The following GALNT13 variants were observed in gnomAD, a reference collection of about 807,000 sequenced individuals.
The protein encoded by GALNT13 is UDP-GalNAc:polypeptide N-acetylgalactosaminyltransferase 13.
In GALNT13, 28 loss-of-function variants were observed where a neutral mutation model predicts 64.2. The ratio of observed to expected loss-of-function variants is 0.44; its 90% CI spans 0.32 to 0.60. The LOEUF (loss-of-function observed/expected upper bound fraction) is 0.60, where lower values mean the gene tolerates loss of function less well. Among genes scored for constraint, GALNT13 ranks in the 20% least tolerant of loss-of-function variants. The probability of loss-of-function intolerance (pLI) is 0.05; values close to 1 mark genes in which losing one functional copy is unlikely to be tolerated. For missense variants in GALNT13, 577 were observed against 669.8 expected (o/e 0.86, Z 1.53); for synonymous variants, 214 against 224.6 (o/e 0.95, Z 0.42).
chr2:154,223,740 C>T (rs1257011531), intron 4 of GALNT13, among the ~76,000 whole-genome samples: 1 of 152,010 alleles, frequency 6.6e-6, no homozygotes, highest in East Asian at 1.9e-4. Flanking sequence ...AAGTATTTGT[C>T]ACCTGGGATT....
At chr2:153,540,301 T>G in the GALNT13 span, among the ~76,000 whole-genome samples, 1 of 152,168 alleles carries the variant, frequency 6.6e-6, no homozygotes, top group African/African-American at 2.4e-5. Flanking sequence ...GTCCTGCAGG[T>G]GCATAGAAGA....
intron 11 of GALNT13, among the ~76,000 whole-genome samples, chr2:154,424,562 C>T (rs1383827858): frequency 6.6e-6 from 1 of 152,050 alleles, no homozygotes; most frequent in Non-Finnish European, 1.5e-5. Context: ...CTGCTTTGCC[C>T]ATCAGTCACA....
intron 8 of GALNT13, among the ~76,000 whole-genome samples, chr2:154,273,490 A>G (rs913031094): frequency 2.0e-5 from 3 of 152,210 alleles, no homozygotes; most frequent in African/African-American, 4.8e-5. Context: ...TTTGTTCAGC[A>G]TACAATTAAT....
At chr2:153,551,741 A>C in the GALNT13 span, among the ~76,000 whole-genome samples, 1 of 152,186 alleles carries the variant, frequency 6.6e-6, no homozygotes, top group South Asian at 2.1e-4. Flanking sequence ...AGATCTGTAA[A>C]GTTGTGATGT....
At chr2:154,253,559 T>C (rs556909133) in intron 7 of GALNT13, among the ~76,000 whole-genome samples, 2 of 152,274 alleles carry the variant, frequency 1.3e-5, no homozygotes, top group East Asian at 3.9e-4. Flanking sequence ...GACAGGAAGA[T>C]AGCTGGAGGC....
At chr2:153,584,409 C>T in the GALNT13 span, among the ~76,000 whole-genome samples, 1 of 152,204 alleles carries the variant, frequency 6.6e-6, no homozygotes, top group African/African-American at 2.4e-5. Flanking sequence ...AAGCATCCTA[C>T]AGCTACCTCC....
chr2:153,107,482 T>G, the GALNT13 span, among the ~76,000 whole-genome samples: 44 of 152,278 alleles, frequency 2.9e-4, no homozygotes, highest in African/African-American at 9.1e-4. Flanking sequence ...TCATTTTAAA[T>G]TTGAGATTAT....
chr2:153,390,975 T>C, the GALNT13 span, among the ~76,000 whole-genome samples: 2 of 151,898 alleles, frequency 1.3e-5, no homozygotes, highest in Non-Finnish European at 2.9e-5. Flanking sequence ...AGGGCCAGGA[T>C]TGGGGGCAAT....
the GALNT13 span, among the ~76,000 whole-genome samples, chr2:153,263,127 T>C: frequency 6.6e-6 from 1 of 151,828 alleles, no homozygotes; most frequent in Non-Finnish European, 1.5e-5. Context: ...TGTGCAAAAG[T>C]CACAAGCATT....
chr2:154,142,288 G>A (rs1231241945), intron 4 of GALNT13, among the ~76,000 whole-genome samples: 1 of 151,830 alleles, frequency 6.6e-6, no homozygotes, highest in African/African-American at 2.4e-5. Flanking sequence ...GGTGGCTCAT[G>A]CCTGTAATCC....
chr2:154,364,342 A>G (rs1697241740), intron 9 of GALNT13, among the ~76,000 whole-genome samples: 1 of 152,186 alleles, frequency 6.6e-6, no homozygotes, highest in Non-Finnish European at 1.5e-5. Flanking sequence ...GCATTAACAC[A>G]TTGTGTAATA....
chr2:153,793,597 T>C, the GALNT13 span, among the ~76,000 whole-genome samples: 1 of 151,572 alleles, frequency 6.6e-6, no homozygotes, highest in Non-Finnish European at 1.5e-5. Context: ...TGAAACCTAA[T>C]ATTTTCAGTT....
intron 3 of GALNT13, among the ~76,000 whole-genome samples, chr2:154,066,531 A>C (rs76900979): frequency 0.013 from 1,922 of 152,252 alleles, 37 homozygotes; most frequent in African/African-American, 0.044. Context: ...GTCTGGCAGC[A>C]GACTTTTCAG....
chr2:153,309,474 C>T, the GALNT13 span, among the ~76,000 whole-genome samples: 1 of 151,898 alleles, frequency 6.6e-6, no homozygotes, highest in African/African-American at 2.4e-5. Context: ...CATCATCTTT[C>T]ACCACTTCTC....
At chr2:153,699,661 T>C in the GALNT13 span, among the ~76,000 whole-genome samples, 1 of 151,964 alleles carries the variant, frequency 6.6e-6, no homozygotes, top group Admixed American at 6.6e-5. Flanking sequence ...AAAGGGAATA[T>C]CACCACTGAC....
At chr2:154,179,446 T>A (rs1685837395) in intron 4 of GALNT13, among the ~76,000 whole-genome samples, 1 of 152,148 alleles carries the variant, frequency 6.6e-6, no homozygotes, top group South Asian at 2.1e-4. Flanking sequence ...ACATGTATGA[T>A]TTAACTTCCT....
the GALNT13 span, among the ~76,000 whole-genome samples, chr2:153,189,048 T>G: frequency 6.6e-6 from 1 of 152,210 alleles, no homozygotes; most frequent in Non-Finnish European, 1.5e-5. Context: ...TACTCTACCA[T>G]CAAACATTAG....
At chr2:153,475,566 G>A in the GALNT13 span, among the ~76,000 whole-genome samples, 1 of 152,144 alleles carries the variant, frequency 6.6e-6, no homozygotes, top group Non-Finnish European at 1.5e-5. Context: ...GGACTTTCAG[G>A]ACTTTTGTTT....
At chr2:153,080,954 C>T in the GALNT13 span, among the ~76,000 whole-genome samples, 1 of 151,744 alleles carries the variant, frequency 6.6e-6, no homozygotes, top group African/African-American at 2.4e-5. Flanking sequence ...TATTTATTTG[C>T]ATTTTCCTTG....
Sources: gnomAD v4.1 joint callset for allele counts (sites outside exome capture counted in the v4.1 genomes callset) on GRCh38, gnomAD v4.1.1 for gene constraint, MANE v1.5 for transcripts, NCBI Gene and HGNC (gene_info 2026-07-23, HGNC 2026-07-21) for gene names.